Variants in KANK1 observed in about 807,000 individuals in gnomAD.
The protein encoded by KANK1 is KN motif and ankyrin repeat domain-containing protein 1.
Under a neutral mutation model 106.2 loss-of-function variants are expected in KANK1, and 109 were observed. The ratio of observed to expected loss-of-function variants is 1.03; its 90% CI spans 0.88 to 1.20. The LOEUF (loss-of-function observed/expected upper bound fraction) is 1.20. Among genes scored for constraint, KANK1 ranks in the 50% most tolerant of loss-of-function variants. KANK1 has a pLI of 0.00. For synonymous variants in KANK1, 873 were observed against 652.2 expected, an observed-to-expected ratio of 1.34 and a Z score of -5.16; for missense variants, 2,399 against 1,710.7, an observed-to-expected ratio of 1.40 and a Z score of -7.10.
At chr9:614,005 A>G (rs572839868) in intron 1 of KANK1, among the ~76,000 whole-genome samples, 38 of 152,300 alleles carry the variant, frequency 2.5e-4, no homozygotes, top group African/African-American at 8.7e-4. Flanking sequence ...GGCGCTGTGC[A>G]TAGCGCTCCA....
At chr9:523,161 C>T (rs931345897) in intron 1 of KANK1, among the ~76,000 whole-genome samples, 1 of 151,536 alleles carries the variant, frequency 6.6e-6, no homozygotes, top group African/African-American at 2.4e-5. Flanking sequence ...ACTCCTTCCC[C>T]AGTATCTACA....
intron 2 of KANK1, among the ~76,000 whole-genome samples, chr9:679,211 T>G (rs1414395765): frequency 6.6e-6 from 1 of 152,248 alleles, no homozygotes; most frequent in African/African-American, 2.4e-5. Flanking sequence ...GGGGAAGATT[T>G]TTTACTTATT....
At chr9:591,074 C>G (rs1824759608) in intron 1 of KANK1, among the ~76,000 whole-genome samples, 1 of 151,552 alleles carries the variant, frequency 6.6e-6, no homozygotes, top group South Asian at 2.1e-4. Context: ...CATTTATATT[C>G]CTTTGTGAGT....
chr9:703,077 C>T (rs955014768), intron 2 of KANK1, among the ~76,000 whole-genome samples: 12 of 152,110 alleles, frequency 7.9e-5, no homozygotes, highest in Admixed American at 2.0e-4. Flanking sequence ...CTGTAGCCTC[C>T]GCCTCCCAGG....
intron 1 of KANK1, among the ~76,000 whole-genome samples, chr9:514,362 C>T (rs907602968): frequency 3.4e-5 from 5 of 147,552 alleles, no homozygotes; most frequent in East Asian, 3.9e-4. Flanking sequence ...TGGGATTATC[C>T]CTGTTATGAG....
At chr9:507,390 C>A (rs1219599032) in intron 1 of KANK1, among the ~76,000 whole-genome samples, 1 of 151,914 alleles carries the variant, frequency 6.6e-6, no homozygotes, top group South Asian at 2.1e-4. Flanking sequence ...TATACATATC[C>A]CACACCCCCA....
chr9:574,664 G>A (rs2135018498), intron 1 of KANK1, among the ~76,000 whole-genome samples: 1 of 151,858 alleles, frequency 6.6e-6, no homozygotes, highest in East Asian at 1.9e-4. Context: ...AGACCAGCCC[G>A]GCCAACACAA....
intron 1 of KANK1, among the ~76,000 whole-genome samples, chr9:554,436 T>C (rs904079003): frequency 6.6e-6 from 1 of 152,242 alleles, no homozygotes; most frequent in Non-Finnish European, 1.5e-5. Flanking sequence ...AGCATCCATG[T>C]TGGCGGTCTT....
chr9:569,898 C>G (rs1055903063), intron 1 of KANK1, among the ~76,000 whole-genome samples: 2 of 151,274 alleles, frequency 1.3e-5, no homozygotes, highest in African/African-American at 2.4e-5. Flanking sequence ...TTTCTCTGTT[C>G]TCAACCTTCA....
intron 1 of KANK1, among the ~76,000 whole-genome samples, chr9:656,506 A>G (rs1402431767): frequency 6.6e-6 from 1 of 152,128 alleles, no homozygotes; most frequent in African/African-American, 2.4e-5. Flanking sequence ...GTGGCCTGTC[A>G]TTGGTCAGTC....
chr9:525,860 G>A (rs2059767911), intron 1 of KANK1, among the ~76,000 whole-genome samples: 1 of 151,322 alleles, frequency 6.6e-6, no homozygotes, highest in Non-Finnish European at 1.5e-5. Flanking sequence ...AGGACCTCTT[G>A]GAAAACTTCA....
intron 2 of KANK1, among the ~76,000 whole-genome samples, chr9:690,526 C>A (rs1819663080): frequency 6.6e-6 from 1 of 151,886 alleles, no homozygotes; most frequent in Admixed American, 6.6e-5. Context: ...GTATAAGGCA[C>A]CTGCAGCAGT....
At chr9:707,230 C>A (rs1297802134) in intron 2 of KANK1, 1 of 985,952 alleles carries the variant, frequency 1.0e-6, no homozygotes, top group Non-Finnish European at 1.2e-6. Context: ...TGGCGGGGAG[C>A]GCGGCGGGCG....
At chr9:538,619 G>A (rs145579831) in intron 1 of KANK1, among the ~76,000 whole-genome samples, 2 of 152,266 alleles carry the variant, frequency 1.3e-5, no homozygotes, top group Admixed American at 1.3e-4. Flanking sequence ...TCAACAGCGT[G>A]GTGCTATCTA....
chr9:556,693 CT>C (rs5895853), intron 1 of KANK1, among the ~76,000 whole-genome samples: 142,804 of 152,232 alleles, frequency 0.94, 67,034 homozygotes, highest in East Asian at 1. Flanking sequence ...CCCTTTGGTA[CT>C]TTTCTCTCTA....
chr9:657,360 C>A (rs1428344832), intron 1 of KANK1, among the ~76,000 whole-genome samples: 1 of 151,902 alleles, frequency 6.6e-6, no homozygotes, highest in African/African-American at 2.4e-5. Flanking sequence ...CTTCGAGTTC[C>A]TGTTTTTAGT....
At chr9:517,481 A>T (rs886485587) in intron 1 of KANK1, among the ~76,000 whole-genome samples, 1 of 151,696 alleles carries the variant, frequency 6.6e-6, no homozygotes, top group Admixed American at 6.6e-5. Flanking sequence ...TTTCTTTTTT[A>T]GGTTTATTTT....
At position 740,954 on chromosome 9, in the gene KANK1, G is replaced by C. The variant is rs142979751; in HGVS notation, c.3696+20G>C. 1 of 1,613,528 alleles carries C rather than the reference G, an allele frequency of 6.2e-7. No homozygotes were observed. The highest frequency in any genetic ancestry group is 1.3e-5 in the African/African-American group (1 of 75,048). On this transcript the variant is annotated intron_variant, in intron 9 of 11. Coordinates refer to ENST00000382297, the MANE Select transcript of KANK1 (RefSeq NM_015158.5). ...AGTCAGGTTAGTGCGCCTGGTTCCT[G>C]TGCTCAGGAATGCACCCGTAACCAG...
rs1299270398 is a variant in KANK1 at position 730,071 on chromosome 9, T to C, written c.2719T>C (p.Cys907Arg). The change falls in exon 4 of 12, where the codon TGT becomes CGT. Residue 907 changes from cysteine to arginine, a missense_variant. Cys to Arg is a radical substitution (Grantham distance 180). Coordinates refer to ENST00000382297, the MANE Select transcript of KANK1 (RefSeq NM_015158.5). ...GATAGGCAATTATTTGGGATATACCTGTAAGTGTGGGGGCCTTCAGTCAGG... is the reference window on the plus strand; with the variant it reads ...GATAGGCAATTATTTGGGATATACCCGTAAGTGTGGGGGCCTTCAGTCAGG... ...KITGNYLGYT[C>R]KCGGLQSGSP... 2 of 1,614,050 alleles carry C rather than the reference T, an allele frequency of 1.2e-6. No homozygotes were observed. The highest frequency in any genetic ancestry group is 1.7e-5 in the Admixed American group (1 of 59,990).
Sources: gnomAD v4.1 joint callset for allele counts (sites outside exome capture counted in the v4.1 genomes callset) on GRCh38, gnomAD v4.1.1 for gene constraint, MANE v1.5 for transcripts, NCBI Gene and HGNC (gene_info 2026-07-23, HGNC 2026-07-21) for gene names.